The following RXRA variants were observed in gnomAD, a reference collection of about 807,000 sequenced individuals.
RXRA encodes retinoid X receptor alpha.
A neutral mutation model predicts 44.5 loss-of-function variants in RXRA; 5 were observed. The observed-to-expected ratio is 0.11, with a 90% CI of 0.06 to 0.24. RXRA has a LOEUF of 0.24. Among genes scored for constraint, RXRA ranks in the 10% least tolerant of loss-of-function variants. RXRA has a pLI of 1.00. For missense variants in RXRA, 412 were observed against 646.5 expected (o/e 0.64, Z 3.93); for synonymous variants, 291 against 271.4 (o/e 1.07, Z -0.71).
intron 5 of RXRA, among the ~76,000 whole-genome samples, chr9:134,420,950 C>T (rs1831320001): frequency 1.3e-5 from 2 of 152,248 alleles, no homozygotes; most frequent in Non-Finnish European, 2.9e-5. Context: ...GCCGAGGCTC[C>T]TGCCCTCCTG....
intron 1 of RXRA, among the ~76,000 whole-genome samples, chr9:134,328,135 T>G (rs1400062456): frequency 6.6e-6 from 1 of 152,118 alleles, no homozygotes; most frequent in Non-Finnish European, 1.5e-5. Context: ...CTTTCCCTGT[T>G]AAAGCTTTGC....
At chr9:134,396,996 T>C (rs961865091) in intron 1 of RXRA, among the ~76,000 whole-genome samples, 5 of 152,210 alleles carry the variant, frequency 3.3e-5, no homozygotes, top group Non-Finnish European at 5.9e-5. Flanking sequence ...ACAGTCAGAC[T>C]GGCATTTCCT....
chr9:134,425,598 T>TG, intron 6 of RXRA: 1 of 363,760 alleles, frequency 2.7e-6, no homozygotes, highest in Non-Finnish European at 3.4e-6. Flanking sequence ...GGGCGGGCCT[T>TG]GCTGGGCTGG....
In RXRA at chr9:134,426,097, G is replaced by T; in HGVS notation, c.911-3011G>T. The T allele has an allele frequency of 1.0e-6, 1 of 985,428 alleles. No individual in the cohort carries two copies. Among genetic ancestry groups the T allele is most frequent in the Non-Finnish European group, 1.2e-6 (1 of 829,930 alleles). 61.0% of individuals were successfully genotyped at this position (985,428 alleles called of 1,614,324 possible). A position where few individuals can be genotyped will look rare whatever the true frequency, so the allele number is the denominator to read the frequency against. On this transcript the variant is annotated intron_variant, in intron 6 of 9. Transcript: ENST00000481739. The surrounding 1 kb of genome is among the most constrained non-coding windows in gnomAD (Gnocchi z 4.6). The stretch of plus-strand genomic sequence containing the variant: ...TCTGCAGGAGTAAGTTCCTTGGGAA[G>T]GGCCAGCCTCTTGAGTTGGAGGACA...
At chr9:134,327,559 T>C (rs1169513732) in intron 1 of RXRA, among the ~76,000 whole-genome samples, 3 of 152,200 alleles carry the variant, frequency 2.0e-5, no homozygotes, top group African/African-American at 7.2e-5. Context: ...GCAGCCAGGC[T>C]GTCAGGCCGG....
At chr9:134,364,840 G>C (rs756674341) in intron 1 of RXRA, among the ~76,000 whole-genome samples, 2 of 152,226 alleles carry the variant, frequency 1.3e-5, no homozygotes, top group Non-Finnish European at 2.9e-5. Flanking sequence ...GTTGGTGGCT[G>C]GGGGAGAGGA....
At chr9:134,423,817 AC>A in intron 6 of RXRA, 1 of 985,370 alleles carries the variant, frequency 1.0e-6, no homozygotes, top group Non-Finnish European at 1.2e-6. Context: ...GGCCTGCCTG[AC>A]CCCAGTGGTC....
intron 1 of RXRA, among the ~76,000 whole-genome samples, chr9:134,398,776 G>T (rs1454452241): frequency 6.6e-6 from 1 of 152,214 alleles, no homozygotes; most frequent in African/African-American, 2.4e-5. Context: ...CTTCCCAGAG[G>T]CCAGGAAGAA....
intron 1 of RXRA, among the ~76,000 whole-genome samples, chr9:134,369,392 A>G (rs73551905): frequency 0.28 from 22,867 of 80,268 alleles, 3,097 homozygotes; most frequent in Middle Eastern, 0.45. Flanking sequence ...GTGGGAGTAC[A>G]GGGGTTGTGT....
intron 1 of RXRA, among the ~76,000 whole-genome samples, chr9:134,392,074 T>G (rs1830808222): frequency 6.6e-6 from 1 of 152,246 alleles, no homozygotes; most frequent in Non-Finnish European, 1.5e-5. Context: ...GTCACCTGGC[T>G]TGGTGCAGTG....
chr9:134,410,804 T>C (rs1042639817), intron 4 of RXRA, among the ~76,000 whole-genome samples: 3 of 152,210 alleles, frequency 2.0e-5, no homozygotes, highest in African/African-American at 7.2e-5. Flanking sequence ...TCTCAGATCC[T>C]GGGGGCTTCA....
At chr9:134,392,457 C>T (rs916520071) in intron 1 of RXRA, among the ~76,000 whole-genome samples, 6 of 152,242 alleles carry the variant, frequency 3.9e-5, no homozygotes, top group African/African-American at 1.4e-4. Flanking sequence ...CCACCTCCTC[C>T]CTGTACCCCC....
intron 1 of RXRA, among the ~76,000 whole-genome samples, chr9:134,332,838 G>T (rs1835026499): frequency 6.6e-6 from 1 of 152,100 alleles, no homozygotes. Context: ...TGGGCCTTGG[G>T]GCCCCTGTGA....
chr9:134,382,270 T>G (rs763373095), intron 1 of RXRA, among the ~76,000 whole-genome samples: 4 of 117,430 alleles, frequency 3.4e-5, no homozygotes, highest in East Asian at 2.2e-4. Context: ...GTTTGGGTGG[T>G]GTGTGTGTGT....
intron 3 of RXRA, among the ~76,000 whole-genome samples, chr9:134,408,535 T>G (rs1452406948): frequency 6.6e-6 from 1 of 152,208 alleles, no homozygotes; most frequent in Non-Finnish European, 1.5e-5. Context: ...AGCCTGAGGC[T>G]TCCGGAGAGG....
At chr9:134,369,725 T>C (rs1160665822) in intron 1 of RXRA, among the ~76,000 whole-genome samples, 2 of 151,998 alleles carry the variant, frequency 1.3e-5, no homozygotes, top group Non-Finnish European at 2.9e-5. Flanking sequence ...TGTTGAGGCC[T>C]CTCGGGTATC....
intron 1 of RXRA, among the ~76,000 whole-genome samples, chr9:134,389,272 C>T (rs1830765980): frequency 6.6e-6 from 1 of 152,192 alleles, no homozygotes; most frequent in South Asian, 2.1e-4. Flanking sequence ...TCCCTGCACA[C>T]GTGGGCGCTG....
At chr9:134,351,936 C>T (rs1331297369) in intron 1 of RXRA, among the ~76,000 whole-genome samples, 2 of 152,116 alleles carry the variant, frequency 1.3e-5, no homozygotes, top group African/African-American at 2.4e-5. Flanking sequence ...TGCACGTGTG[C>T]GTGCATGTGG....
At chr9:134,335,650 C>A (rs571106348) in intron 1 of RXRA, among the ~76,000 whole-genome samples, 1 of 152,262 alleles carries the variant, frequency 6.6e-6, no homozygotes, top group South Asian at 2.1e-4. Context: ...GGGAGGAGCT[C>A]AGGCTAGGGG....
Sources: gnomAD v4.1 joint callset for allele counts (sites outside exome capture counted in the v4.1 genomes callset) on GRCh38, gnomAD v4.1.1 for gene constraint, Gnocchi (gnomAD v3.1) non-coding constraint, MANE v1.5 for transcripts, NCBI Gene and HGNC (gene_info 2026-07-23, HGNC 2026-07-21) for gene names.